The following GNAS variants were observed in gnomAD, a reference collection of about 807,000 sequenced individuals.
GNAS encodes protein ALEX.
A neutral mutation model predicts 54.5 loss-of-function variants in GNAS; 8 were observed. The ratio of observed to expected loss-of-function variants is 0.15; its 90% confidence interval spans 0.09 to 0.26. GNAS has a LOEUF of 0.26. GNAS is among the 10% of genes least tolerant of loss of function. The pLI, the probability that GNAS is intolerant of heterozygous loss-of-function variation, is 1.00. For missense variants in GNAS, 170 were observed against 529.8 expected (o/e 0.32, Z 6.67); for synonymous variants, 204 against 191.4 (o/e 1.07, Z -0.54).
intron 1 of GNAS, among the ~76,000 whole-genome samples, chr20:58,877,605 G>A (rs1194077619): frequency 6.6e-6 from 1 of 152,232 alleles, no homozygotes; most frequent in Non-Finnish European, 1.5e-5. Context: ...AGGATAAAGG[G>A]ACAGAGCCCA....
chr20:58,909,901 G>A lies in GNAS; in HGVS notation c.840-50G>A, dbSNP rs752873681. ...CCCCGTGCAAGCATTCCAGACCCCT[G>A]GCCGAAAGCGCGCTTCTCCCAAGCA... On this transcript the variant is annotated intron_variant, in intron 10 of 12. Coordinates refer to ENST00000371085, the MANE Select transcript of GNAS (RefSeq NM_000516.7). The surrounding 1 kb of genome is among the most constrained non-coding windows in gnomAD (Gnocchi z 7.3). 3 of 1,613,492 alleles carry A rather than the reference G, an allele frequency of 1.9e-6. No homozygotes were observed. The highest frequency in any genetic ancestry group is 2.5e-6 in the Non-Finnish European group (3 of 1,179,810).
chr20:58,878,219 C>T (rs1405545143), intron 1 of GNAS, among the ~76,000 whole-genome samples: 3 of 152,202 alleles, frequency 2.0e-5, no homozygotes. Context: ...TGATGTCACC[C>T]AAGAGAGCCC....
chr20:58,890,058 A>C (rs1365381871), upstream of GNAS, among the ~76,000 whole-genome samples: 2 of 151,594 alleles, frequency 1.3e-5, no homozygotes, highest in Non-Finnish European at 2.9e-5. Flanking sequence ...GAAGAACCCC[A>C]AGAACCCGGC....
intron 6 of GNAS, among the ~76,000 whole-genome samples, chr20:58,907,599 G>A (rs1329934508): frequency 6.6e-6 from 1 of 152,168 alleles, no homozygotes; most frequent in Non-Finnish European, 1.5e-5. Flanking sequence ...ATTTTGTCGG[G>A]TTTCGTTTTC....
intron 1 of GNAS, among the ~76,000 whole-genome samples, chr20:58,875,801 C>T (rs1233950459): frequency 6.6e-6 from 1 of 152,196 alleles, no homozygotes; most frequent in African/African-American, 2.4e-5. Flanking sequence ...GCGTCCACGG[C>T]TATGACACAT....
At chr20:58,889,207 G>C, upstream of GNAS, 2 of 1,197,266 alleles carry the variant, frequency 1.7e-6, no homozygotes, top group Non-Finnish European at 2.1e-6. Flanking sequence ...GGAGCGGGCT[G>C]CGTCAGGTGG....
rs771002744 is a variant in GNAS, at chr20:58,891,698, GGCCGCGCCCC to G, written c.-23_-14del. On this transcript the variant is annotated 5_prime_UTR_variant, in exon 1 of 13. Coordinates refer to ENST00000371085, the MANE Select transcript of GNAS (RefSeq NM_000516.7). ...CCCGCGCCCGCCGCCGCCGCAGCCCGGCCGCGCCCCGCCGCCGCCGCCGCCGCCATGGGCT... is the reference window on the plus strand; with the variant it reads ...CCCGCGCCCGCCGCCGCCGCAGCCCGGCCGCCGCCGCCGCCGCCATGGGCT... 6.3e-5 allele frequency: 65 copies of G among 1,024,558 alleles called. 1 individual carries two copies. The South Asian group carries it at 1.8e-3, about 29-fold the overall frequency. 63.5% of individuals were successfully genotyped at this position (1,024,558 alleles called of 1,614,324 possible).
At chr20:58,840,273 C>A (rs141238454), upstream of GNAS, 1 of 1,612,060 alleles carries the variant, frequency 6.2e-7, no homozygotes, top group Admixed American at 1.7e-5. The surrounding 1 kb of genome is among the most constrained non-coding windows in gnomAD (Gnocchi z 6.0). Context: ...CAGCAGCGCG[C>A]GGCTGCCCAA....
chr20:58,909,066 C>A lies in GNAS; in HGVS notation c.531-96C>A. The A allele has an allele frequency of 2.0e-6, 2 of 1,003,374 alleles. No homozygotes were observed. The highest frequency in any genetic ancestry group is 1.3e-5 in the South Asian group (1 of 78,620). 62.2% of individuals were successfully genotyped at this position (1,003,374 alleles called of 1,614,324 possible). A position where few individuals can be genotyped will look rare whatever the true frequency, so the allele number is the denominator to read the frequency against. The stretch of plus-strand genomic sequence containing the variant: ...TAGTGCTGCATAACTGTGGGACGGT[C>A]ACTTCCGTTGAGCCTGACCTTGTAG... On this transcript the variant is annotated intron_variant, in intron 6 of 12. Transcript: ENST00000371085. This position sits in a 1 kb window ranked among gnomAD's most constrained non-coding sequence, Gnocchi z 7.3.
At position 58,909,045 on chromosome 20, in the gene GNAS, G is replaced by T; in HGVS notation, c.531-117G>T. The T allele has an allele frequency of 1.2e-6, 1 of 849,368 alleles. No individual in the cohort carries two copies. 52.6% of individuals were successfully genotyped at this position (849,368 alleles called of 1,614,324 possible). On this transcript the variant is annotated intron_variant, in intron 6 of 12. Coordinates refer to ENST00000371085, the MANE Select transcript of GNAS (RefSeq NM_000516.7). This position sits in a 1 kb window ranked among gnomAD's most constrained non-coding sequence, Gnocchi z 7.3. ...CAAGCAAATGTGCCATTGACTTAGT[G>T]CTGCATAACTGTGGGACGGTCACTT...
Position 58,910,420 on chromosome 20 carries a change from T to C in GNAS, c.1038+19T>C. 1 of 1,579,100 alleles carries C rather than the reference T, an allele frequency of 6.3e-7. No homozygotes were observed. The highest frequency in any genetic ancestry group is 1.3e-5 in the African/African-American group (1 of 74,418). On this transcript the variant is annotated intron_variant, in intron 12 of 12. Coordinates refer to ENST00000371085, the MANE Select transcript of GNAS (RefSeq NM_000516.7). The surrounding 1 kb of genome is among the most constrained non-coding windows in gnomAD (Gnocchi z 5.8). ...GTTTCTGGTGAGTCGAGCCTGTCTT[T>C]AGTTTCCTCTCTTGTTCCTCCTCTT...
intron 1 of GNAS, among the ~76,000 whole-genome samples, chr20:58,849,819 C>A (rs1386228201): frequency 6.6e-6 from 1 of 152,218 alleles, no homozygotes; most frequent in Non-Finnish European, 1.5e-5. Context: ...TTGTGCATAA[C>A]CCCTTTCCTT....
chr20:58,880,853 C>A (rs535180258), intron 1 of GNAS, among the ~76,000 whole-genome samples: 1 of 151,108 alleles, frequency 6.6e-6, no homozygotes, highest in African/African-American at 2.4e-5. Context: ...GTTTTTTGTT[C>A]TGTTTTGTTT....
intron 1 of GNAS, among the ~76,000 whole-genome samples, chr20:58,875,721 A>C (rs1429219687): frequency 6.6e-6 from 1 of 152,168 alleles, no homozygotes; most frequent in Admixed American, 6.5e-5. Flanking sequence ...TCAGGTTCAG[A>C]TCGTAGCCTT....
rs887729716 is a variant in GNAS at position 58,863,148 on chromosome 20, C to T, written c.43+22262C>T. 2.6e-5 allele frequency among the ~76,000 whole-genome samples: 4 copies of T among 152,224 alleles called. No homozygotes were observed. In the East Asian group the frequency reaches 7.7e-4, roughly 29 times the overall value. On this transcript the variant is annotated intron_variant, in intron 1 of 12. Coordinates refer to the GNAS transcript ENST00000306090. This position sits in a 1 kb window ranked among gnomAD's most constrained non-coding sequence, Gnocchi z 4.1. ...TCGTCACATGCTCTTTGAGCACACA[C>T]GAGTCACACACCTTTCAAGTTAGAA... is the stretch of plus-strand genomic sequence containing the variant.
chr20:58,895,418 C>T, intron 1 of GNAS, 194 bp from the exon 2 acceptor site: 1 of 612,472 alleles, frequency 1.6e-6, no homozygotes, highest in Non-Finnish European at 3.0e-6. Context: ...TGAAATACTG[C>T]AGGTAGACAC....
chr20:58,889,147 G>T (rs1325441081), upstream of GNAS: 2 of 1,209,032 alleles, frequency 1.7e-6, no homozygotes, highest in East Asian at 8.7e-5. Flanking sequence ...CATCGGGGCC[G>T]GTTAGAAGCT....
intron 1 of GNAS, among the ~76,000 whole-genome samples, chr20:58,861,629 G>A (rs900383456): frequency 6.6e-6 from 1 of 152,158 alleles, no homozygotes; most frequent in African/African-American, 2.4e-5. Flanking sequence ...TTTAGAGACT[G>A]GAAGGAAGGC....
At chr20:58,900,434 C>T (rs971984697) in intron 3 of GNAS, 10 of 199,630 alleles carry the variant, frequency 5.0e-5, no homozygotes, top group Admixed American at 3.0e-4. Context: ...CGTCTGTCTT[C>T]TGTCTTCCTT....
Sources: allele counts gnomAD v4.1 joint callset (sites outside exome capture counted in the v4.1 genomes callset), GRCh38; gene constraint gnomAD v4.1.1; non-coding constraint Gnocchi (gnomAD v3.1); transcripts MANE v1.5; gene names NCBI Gene and HGNC (gene_info 2026-07-23, HGNC 2026-07-21).